DLG2: variants seen among roughly 807,000 people sequenced by gnomAD.
The protein encoded by DLG2 is disks large homolog 2.
Under a neutral mutation model 132.5 loss-of-function variants are expected in DLG2, and 45 were observed. The observed-to-expected ratio is 0.34, with a 90% CI of 0.27 to 0.44. The LOEUF is 0.44. Ranked by LOEUF, DLG2 falls within the 20% of genes least tolerant of loss-of-function variation. DLG2 has a pLI of 1.00. For missense variants in DLG2, 1,045 were observed against 1,196.9 expected, an observed-to-expected ratio of 0.87 and a Z score of 1.87; for synonymous variants, 424 against 419.6, an observed-to-expected ratio of 1.01 and a Z score of -0.13.
intron 7 of DLG2, among the ~76,000 whole-genome samples, chr11:84,414,821 T>G (rs2154460314): frequency 6.6e-6 from 1 of 152,326 alleles, no homozygotes; most frequent in South Asian, 2.1e-4. Flanking sequence ...ATTATGTATT[T>G]TATTATGCAT....
At chr11:84,984,514 T>A (rs1041987735) in intron 6 of DLG2, among the ~76,000 whole-genome samples, 37 of 148,224 alleles carry the variant, frequency 2.5e-4, no homozygotes, top group South Asian at 6.4e-4. Flanking sequence ...TGGAAACACA[T>A]CAAAACAGAA....
intron 6 of DLG2, among the ~76,000 whole-genome samples, chr11:85,090,933 G>T (rs1009414636): frequency 6.6e-6 from 1 of 152,162 alleles, no homozygotes; most frequent in African/African-American, 2.4e-5. Flanking sequence ...GAAGACAAAG[G>T]GGAGCCAGCA....
intron 21 of DLG2, among the ~76,000 whole-genome samples, chr11:83,496,535 G>C (rs2094158008): frequency 6.6e-6 from 1 of 152,100 alleles, no homozygotes; most frequent in South Asian, 2.1e-4. Flanking sequence ...CCTCAAACTG[G>C]AAACTACCCT....
At chr11:85,485,589 G>A (rs1017809509) in intron 3 of DLG2, among the ~76,000 whole-genome samples, 1 of 152,164 alleles carries the variant, frequency 6.6e-6, no homozygotes, top group South Asian at 2.1e-4. Context: ...GAAGGGGGCA[G>A]CTCTCTTGGC....
At chr11:84,671,499 G>C (rs2099705872) in intron 6 of DLG2, among the ~76,000 whole-genome samples, 1 of 152,064 alleles carries the variant, frequency 6.6e-6, no homozygotes, top group Non-Finnish European at 1.5e-5. Context: ...GACAGTAGGG[G>C]GAGGAGATTA....
At chr11:84,176,355 A>T (rs1320066960) in intron 8 of DLG2, among the ~76,000 whole-genome samples, 1 of 148,906 alleles carries the variant, frequency 6.7e-6, no homozygotes, top group East Asian at 1.9e-4. Context: ...ATATAATTAC[A>T]TATAATTATA....
chr11:85,325,714 C>A (rs1355988732), intron 3 of DLG2, among the ~76,000 whole-genome samples: 10 of 38,990 alleles, frequency 2.6e-4, no homozygotes, highest in Admixed American at 9.4e-4. Flanking sequence ...ACGCAGAGCG[C>A]CTCTCCTCCT....
intron 17 of DLG2, chr11:83,791,700 G>A (rs1311549542): frequency 1.6e-5 from 4 of 249,364 alleles, no homozygotes; most frequent in South Asian, 4.6e-5. Context: ...TTGGGAGTTC[G>A]AGGTGGGCAG....
chr11:83,971,400 G>A (rs1164626566), intron 12 of DLG2, among the ~76,000 whole-genome samples: 1 of 152,202 alleles, frequency 6.6e-6, no homozygotes, highest in Non-Finnish European at 1.5e-5. Context: ...AGGCAAACCA[G>A]CTGAAGAAAG....
At chr11:85,217,049 C>T (rs114643136) in intron 4 of DLG2, among the ~76,000 whole-genome samples, 117 of 152,126 alleles carry the variant, frequency 7.7e-4, no homozygotes, top group African/African-American at 2.7e-3. Context: ...GAGTTGAAAA[C>T]TCATAAGACT....
intron 6 of DLG2, among the ~76,000 whole-genome samples, chr11:84,622,849 C>A (rs544467075): frequency 1.1e-4 from 17 of 152,062 alleles, no homozygotes; most frequent in Non-Finnish European, 2.4e-4. Context: ...TCTGTTTTGC[C>A]GGAGATGGAG....
chr11:84,868,123 ATATT>A (rs1273966347), intron 6 of DLG2, among the ~76,000 whole-genome samples: 3 of 147,666 alleles, frequency 2.0e-5, no homozygotes, highest in Admixed American at 1.4e-4. Context: ...ATTAATAATT[ATATT>A]TATTAATATT....
intron 16 of DLG2, among the ~76,000 whole-genome samples, chr11:83,865,194 T>C (rs1216799917): frequency 1.3e-5 from 2 of 152,164 alleles, no homozygotes; most frequent in African/African-American, 4.8e-5. Flanking sequence ...TTGGAATGTA[T>C]GTGACATTTC....
intron 19 of DLG2, among the ~76,000 whole-genome samples, chr11:83,601,361 T>C (rs779224425): frequency 5.3e-5 from 8 of 152,132 alleles, no homozygotes; most frequent in Non-Finnish European, 1.0e-4. Flanking sequence ...TGTATGTAGC[T>C]ACCCTGTGAT....
chr11:83,486,339 T>C (rs963657783), intron 21 of DLG2: 1 of 591,892 alleles, frequency 1.7e-6, no homozygotes, highest in Admixed American at 3.2e-5. Context: ...ACATCACCAA[T>C]GACTTGTCAT....
intron 9 of DLG2, among the ~76,000 whole-genome samples, chr11:84,107,205 G>A (rs1402036696): frequency 6.6e-6 from 1 of 151,900 alleles, no homozygotes; most frequent in Non-Finnish European, 1.5e-5. Flanking sequence ...AATCTTGAAG[G>A]AGGAGTGAGA....
At chr11:83,540,602 T>C (rs2096037360) in intron 20 of DLG2, among the ~76,000 whole-genome samples, 1 of 152,138 alleles carries the variant, frequency 6.6e-6, no homozygotes, top group Non-Finnish European at 1.5e-5. Context: ...AGAGGATCAG[T>C]TGTCTCGGGA....
At chr11:83,962,108 A>G (rs2088965823) in intron 14 of DLG2, among the ~76,000 whole-genome samples, 1 of 152,084 alleles carries the variant, frequency 6.6e-6, no homozygotes, top group Non-Finnish European at 1.5e-5. Context: ...CAGGCAGGGT[A>G]TAAAACCAAA....
chr11:84,035,617 T>C (rs2095844275), intron 11 of DLG2, among the ~76,000 whole-genome samples: 1 of 152,142 alleles, frequency 6.6e-6, no homozygotes, highest in Non-Finnish European at 1.5e-5. Context: ...TGGCAAACTA[T>C]GGTAAGGCTG....
Sources: gnomAD v4.1 joint callset for allele counts (sites outside exome capture counted in the v4.1 genomes callset) on GRCh38, gnomAD v4.1.1 for gene constraint, MANE v1.5 for transcripts, NCBI Gene and HGNC (gene_info 2026-07-23, HGNC 2026-07-21) for gene names.